BMPR1A: variants seen among roughly 807,000 people sequenced by gnomAD.
BMPR1A encodes the protein bone morphogenetic protein receptor type-1A.
In BMPR1A, 7 loss-of-function variants were observed where a neutral mutation model predicts 66.0. The observed-to-expected ratio is 0.11, with a 90% confidence interval of 0.06 to 0.20. The LOEUF (loss-of-function observed/expected upper bound fraction) is 0.20, where lower values mean the gene tolerates loss of function less well. Ranked by LOEUF, BMPR1A falls within the 10% of genes least tolerant of loss-of-function variation. BMPR1A has a pLI of 1.00. For missense variants in BMPR1A, 408 were observed against 669.1 expected (o/e 0.61, Z 4.31); for synonymous variants, 200 against 229.7 (o/e 0.87, Z 1.17).
In BMPR1A at chr10:86,899,780, T is replaced by C. The variant is rs1843279043; in HGVS notation, c.334-14T>C. 3 of 1,603,986 alleles carry C rather than the reference T, an allele frequency of 1.9e-6. No homozygotes were observed. The highest frequency in any genetic ancestry group is 1.7e-5 in the Admixed American group (1 of 60,020). ...ACCAAACCATTTCTAATTTTATCATTACTCTTCTTTTAGGATTCTCCAAAA... is the reference window on the plus strand; with the variant it reads ...ACCAAACCATTTCTAATTTTATCATCACTCTTCTTTTAGGATTCTCCAAAA... On this transcript the variant is annotated splice_polypyrimidine_tract_variant and intron_variant, in intron 5 of 12. Transcript: ENST00000372037.
chr10:86,839,610 A>AAT (rs1842397638), intron 2 of BMPR1A, among the ~76,000 whole-genome samples: 1 of 151,774 alleles, frequency 6.6e-6, no homozygotes, highest in Non-Finnish European at 1.5e-5. Context: ...AAAAAAAAAA[A>AAT]AAAGATTATA....
At chr10:86,780,804 A>T (rs1458768283) in intron 1 of BMPR1A, among the ~76,000 whole-genome samples, 1 of 152,224 alleles carries the variant, frequency 6.6e-6, no homozygotes, top group Non-Finnish European at 1.5e-5. Context: ...AGTCAAAGGC[A>T]GTACTGTCCA....
chr10:86,758,068 A>G (rs755055645), intron 1 of BMPR1A, among the ~76,000 whole-genome samples: 14 of 152,242 alleles, frequency 9.2e-5, no homozygotes, highest in Non-Finnish European at 1.6e-4. Context: ...GTTGAAATAA[A>G]GAATGTGAAC....
At chr10:86,777,351 A>G (rs1370192196) in intron 1 of BMPR1A, among the ~76,000 whole-genome samples, 1 of 151,938 alleles carries the variant, frequency 6.6e-6, no homozygotes, top group Non-Finnish European at 1.5e-5. Flanking sequence ...AGGCCCAGAC[A>G]GGAGGATTAC....
At chr10:86,827,218 A>T (rs1023911794) in intron 1 of BMPR1A, among the ~76,000 whole-genome samples, 1 of 151,246 alleles carries the variant, frequency 6.6e-6, no homozygotes, top group Non-Finnish European at 1.5e-5. Context: ...TCCCTTTAAC[A>T]TACTTTTTTT....
chr10:86,795,056 G>A (rs943731939), intron 1 of BMPR1A, among the ~76,000 whole-genome samples: 5 of 152,018 alleles, frequency 3.3e-5, no homozygotes, highest in South Asian at 4.2e-4. Flanking sequence ...TCTCCATGTT[G>A]GTCAGGCTGG....
At chr10:86,861,506 T>C (rs969561343) in intron 2 of BMPR1A, among the ~76,000 whole-genome samples, 1 of 152,238 alleles carries the variant, frequency 6.6e-6, no homozygotes, top group East Asian at 1.9e-4. Context: ...ACTGAAAGAT[T>C]GCAGTTGAAT....
intron 1 of BMPR1A, among the ~76,000 whole-genome samples, chr10:86,822,811 G>A (rs1842139666): frequency 6.6e-6 from 1 of 151,798 alleles, no homozygotes; most frequent in South Asian, 2.1e-4. Flanking sequence ...TGTATTTTTA[G>A]TAGAGATGGA....
At chr10:86,795,933 G>C (rs1210136365) in intron 1 of BMPR1A, among the ~76,000 whole-genome samples, 1 of 152,006 alleles carries the variant, frequency 6.6e-6, no homozygotes, top group Non-Finnish European at 1.5e-5. Context: ...ATTATATTTT[G>C]AGGGGAAAAA....
chr10:86,911,181 A>AC (rs1843477956), intron 7 of BMPR1A, among the ~76,000 whole-genome samples: 1 of 151,484 alleles, frequency 6.6e-6, no homozygotes, highest in African/African-American at 2.4e-5. Context: ...AAAAAATTAA[A>AC]CCTTGAGAAC....
chr10:86,781,731 G>C (rs999322604), intron 1 of BMPR1A, among the ~76,000 whole-genome samples: 5 of 151,818 alleles, frequency 3.3e-5, no homozygotes, highest in African/African-American at 1.2e-4. Context: ...CTGTCTCTAT[G>C]AGTTTGATTA....
intron 1 of BMPR1A, among the ~76,000 whole-genome samples, chr10:86,817,523 A>G (rs1842052126): frequency 6.6e-6 from 1 of 152,184 alleles, no homozygotes; most frequent in South Asian, 2.1e-4. Context: ...TTCACATTTT[A>G]GCTGTTGTGA....
At chr10:86,881,738 A>G (rs531143799) in intron 3 of BMPR1A, among the ~76,000 whole-genome samples, 5 of 152,326 alleles carry the variant, frequency 3.3e-5, no homozygotes, top group African/African-American at 7.2e-5. Flanking sequence ...AAGTTACCCA[A>G]TGTCTACAAG....
At chr10:86,879,594 T>C (rs987060080) in intron 3 of BMPR1A, among the ~76,000 whole-genome samples, 1 of 152,196 alleles carries the variant, frequency 6.6e-6, no homozygotes, top group Non-Finnish European at 1.5e-5. Context: ...ACATCATACA[T>C]ATGCTAAAAT....
chr10:86,759,653 A>G (rs964142989), intron 1 of BMPR1A, among the ~76,000 whole-genome samples: 1 of 152,144 alleles, frequency 6.6e-6, no homozygotes, highest in Non-Finnish European at 1.5e-5. Context: ...GCAATTCTGA[A>G]TTCATATTGG....
At chr10:86,773,597 G>GAAAAAAAA (rs71019429) in intron 1 of BMPR1A, among the ~76,000 whole-genome samples, 18 of 99,792 alleles carry the variant, frequency 1.8e-4, no homozygotes, top group Admixed American at 3.5e-4. Flanking sequence ...GTCTCAGAAA[G>GAAAAAAAA]AAAAAAAAAA....
At chr10:86,918,599 ATCTTTT>A (rs1564723870) in intron 9 of BMPR1A, among the ~76,000 whole-genome samples, 1 of 150,406 alleles carries the variant, frequency 6.6e-6, no homozygotes, top group African/African-American at 2.4e-5. Context: ...ATAATATGTC[ATCTTTT>A]TCTTTTCTTT....
intron 1 of BMPR1A, among the ~76,000 whole-genome samples, chr10:86,768,353 A>T (rs1224225281): frequency 6.6e-6 from 1 of 152,236 alleles, no homozygotes; most frequent in Non-Finnish European, 1.5e-5. Context: ...AAAGAAGTGG[A>T]TTATGCTATT....
At position 86,812,407 on chromosome 10, in the gene BMPR1A, C is replaced by T. The variant is rs545718145; in HGVS notation, c.-267-26458C>T. ...TGGATGGATGTGCCAGTTTTTTATT[C>T]GTTCACTTTTAGAAGGACTTACGTG... is the stretch of plus-strand genomic sequence containing the variant. On this transcript the variant is annotated intron_variant, in intron 1 of 12. Coordinates refer to ENST00000372037, the MANE Select transcript of BMPR1A (RefSeq NM_004329.3). Among the ~76,000 whole-genome samples the T allele has an allele frequency of 6.6e-5, 10 of 152,204 alleles. No individual in the cohort carries two copies. The East Asian group carries it at 7.7e-4, about 12-fold the overall frequency.
Sources: gnomAD v4.1 joint callset for allele counts (sites outside exome capture counted in the v4.1 genomes callset) on GRCh38, gnomAD v4.1.1 for gene constraint, MANE v1.5 for transcripts, NCBI Gene and HGNC (gene_info 2026-07-23, HGNC 2026-07-21) for gene names.